Variants in GPHN observed in about 807,000 individuals in gnomAD.
GPHN encodes the protein gephyrin.
Under a neutral mutation model 95.5 loss-of-function variants are expected in GPHN, and 17 were observed. The ratio of observed to expected loss-of-function variants is 0.18; its 90% confidence interval spans 0.12 to 0.27. The LOEUF (loss-of-function observed/expected upper bound fraction) is 0.27, where lower values mean the gene tolerates loss of function less well. Among genes scored for constraint, GPHN ranks in the 10% least tolerant of loss-of-function variants. The pLI is 1.00. For missense variants in GPHN, 660 were observed against 978.1 expected (o/e 0.67, Z 4.34); for synonymous variants, 320 against 322.5 (o/e 0.99, Z 0.08).
intron 9 of GPHN, among the ~76,000 whole-genome samples, chr14:67,015,818 GTA>G (rs1828995172): frequency 6.6e-6 from 1 of 152,160 alleles, no homozygotes; most frequent in Non-Finnish European, 1.5e-5. Context: ...TTTTATGTGT[GTA>G]TGTGTGTGTG....
chr14:66,537,387 G>T (rs887822162), intron 1 of GPHN, among the ~76,000 whole-genome samples: 1 of 151,854 alleles, frequency 6.6e-6, no homozygotes, highest in African/African-American at 2.4e-5. Context: ...TAGCTTTTCA[G>T]TTATACATTC....
intron 11 of GPHN, among the ~76,000 whole-genome samples, chr14:67,061,053 T>A (rs2075806784): frequency 6.6e-6 from 1 of 152,210 alleles, no homozygotes; most frequent in South Asian, 2.1e-4. Context: ...TTTTTTTTAT[T>A]TTTCTGAGAT....
At chr14:67,726,666 C>T in the GPHN span, among the ~76,000 whole-genome samples, 2 of 152,154 alleles carry the variant, frequency 1.3e-5, no homozygotes, top group African/African-American at 4.8e-5. Context: ...TATCCTTCTG[C>T]CTATACACAA....
In GPHN at chr14:66,986,276, G is replaced by A. The variant is rs1277122653; in HGVS notation, c.963+20951G>A. On this transcript the variant is annotated intron_variant, in intron 9 of 22. Coordinates refer to ENST00000478722, the MANE Select transcript of GPHN (RefSeq NM_020806.5). Reference sequence around the variant, plus strand: ...AATTTTATGTCATGTAGTATAATGGGCCCACATATAGCTGATAGTAGTTAT... The same window carrying A: ...AATTTTATGTCATGTAGTATAATGGACCCACATATAGCTGATAGTAGTTAT... Among the ~76,000 whole-genome samples, 4 of 152,014 alleles carry A rather than the reference G, an allele frequency of 2.6e-5. No homozygotes were observed. In the East Asian group the frequency reaches 5.8e-4, roughly 22 times the overall value.
At chr14:67,466,851 C>T in the GPHN span, among the ~76,000 whole-genome samples, 3 of 151,906 alleles carry the variant, frequency 2.0e-5, no homozygotes, top group African/African-American at 7.3e-5. Flanking sequence ...AATAATTAGC[C>T]GAGCATGGTG....
the GPHN span, among the ~76,000 whole-genome samples, chr14:67,285,438 C>CTCACTGCAAGCTCCACCTCCCAGGT: frequency 6.7e-6 from 1 of 150,176 alleles, no homozygotes; most frequent in African/African-American, 2.5e-5. Context: ...GCGATCTCGG[C>CTCACTGCAAGCTCCACCTCCCAGGT]TCACTGCAAG....
chr14:67,088,849 G>A (rs2077013893), intron 11 of GPHN, 134 bp from the exon 12 acceptor site: 1 of 689,348 alleles, frequency 1.5e-6, no homozygotes, highest in African/African-American at 1.8e-5. Context: ...TGTTTCTTGG[G>A]ACAGAAATCA....
chr14:67,058,618 C>G, intron 10 of GPHN, 31 bp from the exon 11 acceptor site: 2 of 1,596,020 alleles, frequency 1.3e-6, no homozygotes, highest in Non-Finnish European at 1.7e-6. Context: ...GTTACAGCAT[C>G]ATATTCTTAG....
At chr14:67,653,312 A>G in the GPHN span, 1 of 695,084 alleles carries the variant, frequency 1.4e-6, no homozygotes, top group Non-Finnish European at 2.5e-6. Context: ...GGTGGTACTG[A>G]GTATACAGGG....
At chr14:66,520,960 T>C (rs1263045626) in intron 1 of GPHN, among the ~76,000 whole-genome samples, 1 of 152,128 alleles carries the variant, frequency 6.6e-6, no homozygotes, top group African/African-American at 2.4e-5. Flanking sequence ...GGTATTTGGT[T>C]TTCTGTTCCT....
At chr14:66,741,228 C>T (rs1595749525) in intron 2 of GPHN, among the ~76,000 whole-genome samples, 2 of 152,084 alleles carry the variant, frequency 1.3e-5, no homozygotes, top group Admixed American at 6.5e-5. Flanking sequence ...TCTTGATTTG[C>T]TTATTCAATA....
At chr14:66,527,891 T>C (rs547613225) in intron 1 of GPHN, among the ~76,000 whole-genome samples, 3 of 152,350 alleles carry the variant, frequency 2.0e-5, no homozygotes, top group South Asian at 2.1e-4. Context: ...TCCAATTATA[T>C]GGTCAATTTT....
intron 1 of GPHN, among the ~76,000 whole-genome samples, chr14:66,631,840 C>CA (rs1396211339): frequency 6.6e-6 from 1 of 152,064 alleles, no homozygotes; most frequent in Admixed American, 6.6e-5. Flanking sequence ...CATTTTTCTG[C>CA]AAGTGATTTC....
At chr14:67,392,987 T>C in the GPHN span, 1 of 864,188 alleles carries the variant, frequency 1.2e-6, no homozygotes, top group East Asian at 2.5e-5. Context: ...CCACACCTGC[T>C]GCATAGAGCC....
chr14:67,438,754 G>A, the GPHN span, among the ~76,000 whole-genome samples: 180 of 151,966 alleles, frequency 1.2e-3, no homozygotes, highest in African/African-American at 4.0e-3. Flanking sequence ...TCAGCTACTC[G>A]GGAGGCTGAG....
At chr14:66,529,974 T>C (rs1455845787) in intron 1 of GPHN, among the ~76,000 whole-genome samples, 1 of 152,150 alleles carries the variant, frequency 6.6e-6, no homozygotes, top group Non-Finnish European at 1.5e-5. Flanking sequence ...GCTCAAGCAC[T>C]GTGCTGGGGG....
intron 10 of GPHN, among the ~76,000 whole-genome samples, chr14:67,031,599 C>G (rs937220545): frequency 9.6e-4 from 146 of 152,058 alleles, no homozygotes; most frequent in African/African-American, 3.4e-3. Context: ...TTACTAGGTT[C>G]TCGAAATTTA....
At chr14:67,190,404 A>G in the GPHN span, among the ~76,000 whole-genome samples, 1 of 145,408 alleles carries the variant, frequency 6.9e-6, no homozygotes, top group African/African-American at 2.6e-5. Context: ...TTGTAATATT[A>G]GTAGAGACAG....
At chr14:67,196,006 G>A in the GPHN span, among the ~76,000 whole-genome samples, 2 of 151,970 alleles carry the variant, frequency 1.3e-5, no homozygotes, top group South Asian at 2.1e-4. Context: ...GGCTGTTCTC[G>A]AACTCCTGAC....
Sources: gnomAD v4.1 joint callset for allele counts (sites outside exome capture counted in the v4.1 genomes callset) on GRCh38, gnomAD v4.1.1 for gene constraint, MANE v1.5 for transcripts, NCBI Gene and HGNC (gene_info 2026-07-23, HGNC 2026-07-21) for gene names.